Variants in TMEM117 observed in about 807,000 individuals in gnomAD.
TMEM117 encodes transmembrane protein 117.
A neutral mutation model predicts 52.4 loss-of-function variants in TMEM117; 27 were observed. The observed-to-expected ratio is 0.51, with a 90% CI of 0.38 to 0.71. TMEM117 has a LOEUF of 0.71. Among genes scored for constraint, TMEM117 ranks in the 30% least tolerant of loss-of-function variants. TMEM117 has a pLI of 0.00. For synonymous variants in TMEM117, 215 were observed against 206.3 expected (o/e 1.04, Z -0.36); for missense variants, 556 against 630.5 (o/e 0.88, Z 1.26).
In TMEM117 at chr12:44,114,454, A is replaced by G. The variant is rs1948099356; in HGVS notation, c.411-29071A>G. ...TAGTATTGGACAAATGGTAAAACTC[A>G]GGAGTACTGAACCCAGATCTCAAGA... On this transcript the variant is annotated intron_variant, in intron 3 of 7. Coordinates refer to ENST00000266534, the MANE Select transcript of TMEM117 (RefSeq NM_032256.3). 2.0e-5 allele frequency among the ~76,000 whole-genome samples: 3 copies of G among 152,288 alleles called. No individual in the cohort carries two copies. In the South Asian group the frequency reaches 6.2e-4, roughly 32 times the overall value.
chr12:44,119,872 A>C (rs1261067519), intron 3 of TMEM117, among the ~76,000 whole-genome samples: 1 of 152,224 alleles, frequency 6.6e-6, no homozygotes, highest in African/African-American at 2.4e-5. Flanking sequence ...GAATGAGTAG[A>C]ACATGGATCA....
intron 6 of TMEM117, among the ~76,000 whole-genome samples, chr12:44,326,762 C>T (rs1951200788): frequency 6.6e-6 from 1 of 152,168 alleles, no homozygotes; most frequent in African/African-American, 2.4e-5. Context: ...CAATCCAGGC[C>T]TCATTGGGGA....
the TMEM117 span, among the ~76,000 whole-genome samples, chr12:43,820,006 TA>T: frequency 7.4e-3 from 1,130 of 152,122 alleles, 12 homozygotes; most frequent in African/African-American, 0.025. Context: ...ATTAAACTTG[TA>T]AAAAAAAGAG....
At chr12:43,806,689 T>G in the TMEM117 span, among the ~76,000 whole-genome samples, 1 of 152,194 alleles carries the variant, frequency 6.6e-6, no homozygotes, top group African/African-American at 2.4e-5. Context: ...TGCACATTAT[T>G]TTTCTTGGTT....
intron 3 of TMEM117, among the ~76,000 whole-genome samples, chr12:43,951,336 G>A (rs1478306122): frequency 6.6e-6 from 1 of 152,232 alleles, no homozygotes; most frequent in African/African-American, 2.4e-5. Flanking sequence ...AGGGAGCCAA[G>A]TGGTCTTGCT....
intron 3 of TMEM117, among the ~76,000 whole-genome samples, chr12:43,955,478 A>G (rs1257551932): frequency 1.3e-5 from 2 of 152,242 alleles, no homozygotes; most frequent in Non-Finnish European, 1.5e-5. Context: ...AGAAATCACA[A>G]GCATTCCCAT....
At chr12:44,257,350 C>T (rs1397104487) in intron 5 of TMEM117, among the ~76,000 whole-genome samples, 3 of 151,940 alleles carry the variant, frequency 2.0e-5, no homozygotes, top group Admixed American at 2.0e-4. Context: ...TAGGTGTCCA[C>T]TCCATTTGTT....
chr12:43,819,352 C>T, the TMEM117 span, among the ~76,000 whole-genome samples: 3 of 152,200 alleles, frequency 2.0e-5, no homozygotes, highest in Non-Finnish European at 4.4e-5. Flanking sequence ...GCAGATTCCA[C>T]TGTAAGCTGA....
intron 7 of TMEM117, among the ~76,000 whole-genome samples, chr12:44,378,106 G>T (rs1951967445): frequency 2.6e-5 from 4 of 151,702 alleles, no homozygotes; most frequent in South Asian, 4.2e-4. Context: ...ATATCCCTTT[G>T]GGGGGGGCTT....
At chr12:43,799,745 T>G in the TMEM117 span, among the ~76,000 whole-genome samples, 14 of 152,100 alleles carry the variant, frequency 9.2e-5, no homozygotes, top group Non-Finnish European at 1.8e-4. Flanking sequence ...TGTATGAGTT[T>G]CATACTGGCA....
At chr12:44,241,659 T>C (rs1245044762) in intron 5 of TMEM117, among the ~76,000 whole-genome samples, 1 of 151,950 alleles carries the variant, frequency 6.6e-6, no homozygotes, top group Non-Finnish European at 1.5e-5. Context: ...TTGAGGCCTC[T>C]GATCCATCTG....
intron 3 of TMEM117, among the ~76,000 whole-genome samples, chr12:44,008,249 C>T (rs929008593): frequency 2.6e-5 from 4 of 152,184 alleles, no homozygotes; most frequent in African/African-American, 9.7e-5. Context: ...CTCTTACTTT[C>T]CCTCTCTCCT....
chr12:44,311,865 A>ATG (rs1158219308), intron 6 of TMEM117, among the ~76,000 whole-genome samples: 3 of 123,330 alleles, frequency 2.4e-5, no homozygotes, highest in African/African-American at 1.2e-4. Flanking sequence ...ATGTATATAT[A>ATG]TGTATATATA....
intron 5 of TMEM117, among the ~76,000 whole-genome samples, chr12:44,223,465 C>T (rs1385042076): frequency 2.0e-5 from 3 of 151,008 alleles, no homozygotes; most frequent in Non-Finnish European, 4.4e-5. Context: ...GTGGCTTCTA[C>T]CTAGATCATC....
intron 2 of TMEM117, among the ~76,000 whole-genome samples, chr12:43,868,134 C>T (rs1456432811): frequency 6.7e-6 from 1 of 150,196 alleles, no homozygotes; most frequent in Non-Finnish European, 1.5e-5. Context: ...TGTCTGCTGT[C>T]TCTCTCCTTC....
At chr12:44,167,145 C>T (rs1948978626) in intron 4 of TMEM117, among the ~76,000 whole-genome samples, 1 of 152,112 alleles carries the variant, frequency 6.6e-6, no homozygotes, top group Non-Finnish European at 1.5e-5. Context: ...ATAAAACGTC[C>T]TCCATTCTAC....
rs547462803 is a variant in TMEM117, at chr12:44,241,088, C to A, written c.608+29701C>A. The stretch of plus-strand genomic sequence containing the variant: ...AAAATGCCCTAGTATTTGCATATAA[C>A]CCATGCACATCCTCCCTTACACTCT... On this transcript the variant is annotated intron_variant, in intron 5 of 7. Transcript: ENST00000266534. Among the ~76,000 whole-genome samples, 10 of 152,080 alleles carry A rather than the reference C, an allele frequency of 6.6e-5. No individual in the cohort carries two copies. In the East Asian group the frequency reaches 1.7e-3, roughly 26 times the overall value.
intron 5 of TMEM117, among the ~76,000 whole-genome samples, chr12:44,231,655 C>T (rs1199245945): frequency 6.6e-6 from 1 of 151,716 alleles, no homozygotes; most frequent in Admixed American, 6.6e-5. Context: ...ACATTTTAGC[C>T]AATCCGGTGG....
At chr12:44,387,647 A>G (rs185017365) in intron 7 of TMEM117, among the ~76,000 whole-genome samples, 49 of 152,254 alleles carry the variant, frequency 3.2e-4, no homozygotes, top group African/African-American at 1.1e-3. Context: ...TCAATCATAC[A>G]TTGAACTTTT....
Sources: allele counts gnomAD v4.1 joint callset (sites outside exome capture counted in the v4.1 genomes callset), GRCh38; gene constraint gnomAD v4.1.1; transcripts MANE v1.5; gene names NCBI Gene and HGNC (gene_info 2026-07-23, HGNC 2026-07-21).